Variants in HDAC4 observed in about 807,000 individuals in gnomAD.
The protein encoded by HDAC4 is histone deacetylase A.
HDAC4 carries 16 observed loss-of-function variants against 135.1 expected under a neutral mutation model. That is an observed-to-expected ratio of 0.12 (90% CI 0.08 to 0.18). The LOEUF (loss-of-function observed/expected upper bound fraction) is 0.18. Ranked by LOEUF, HDAC4 falls within the 10% of genes least tolerant of loss-of-function variation. The pLI is 1.00. For missense variants in HDAC4, 1,143 were observed against 1,511.8 expected, an observed-to-expected ratio of 0.76 and a Z score of 4.05; for synonymous variants, 685 against 653.4, an observed-to-expected ratio of 1.05 and a Z score of -0.74.
intron 2 of HDAC4, among the ~76,000 whole-genome samples, chr2:239,343,584 G>C (rs777890674): frequency 2.6e-5 from 4 of 152,246 alleles, no homozygotes; most frequent in African/African-American, 4.8e-5. Context: ...CCTTTCTAGG[G>C]GACAGCCTCC....
At chr2:239,201,758 A>G (rs2153075326) in intron 3 of HDAC4, among the ~76,000 whole-genome samples, 1 of 152,314 alleles carries the variant, frequency 6.6e-6, no homozygotes, top group African/African-American at 2.4e-5. Flanking sequence ...CATTCCTGAA[A>G]CAGTATTTTC....
At chr2:239,323,293 C>T (rs760461512) in intron 2 of HDAC4, among the ~76,000 whole-genome samples, 1 of 152,110 alleles carries the variant, frequency 6.6e-6, no homozygotes, top group Non-Finnish European at 1.5e-5. Flanking sequence ...GAGAGAGCTC[C>T]TGCTTGAGAA....
intron 15 of HDAC4, among the ~76,000 whole-genome samples, chr2:239,107,202 G>A (rs570196373): frequency 2.6e-4 from 39 of 152,334 alleles, no homozygotes; most frequent in African/African-American, 9.1e-4. Context: ...CACCAGCTGG[G>A]ACAGCCTCAC....
chr2:239,147,880 G>C (rs566109363), intron 7 of HDAC4, among the ~76,000 whole-genome samples: 4 of 152,342 alleles, frequency 2.6e-5, no homozygotes, highest in Admixed American at 1.3e-4. Context: ...TCATCCTTCT[G>C]CCAGAAGCAA....
chr2:239,175,205 T>C (rs899769442), intron 5 of HDAC4, among the ~76,000 whole-genome samples: 1 of 152,244 alleles, frequency 6.6e-6, no homozygotes, highest in Admixed American at 6.5e-5. Flanking sequence ...AGATCCTGAC[T>C]GTCTGTGTCA....
chr2:239,103,332 C>T (rs186097439), intron 15 of HDAC4, among the ~76,000 whole-genome samples: 13 of 152,160 alleles, frequency 8.5e-5, no homozygotes, highest in Middle Eastern at 3.4e-3. Flanking sequence ...TTCCTTGGAC[C>T]GCCCGGGGCC....
intron 2 of HDAC4, among the ~76,000 whole-genome samples, chr2:239,335,024 C>A (rs199917796): frequency 6.4e-3 from 601 of 94,270 alleles, no homozygotes; most frequent in South Asian, 0.01. Context: ...GACTCCATCT[C>A]AAAAAAAAAA....
intron 4 of HDAC4, among the ~76,000 whole-genome samples, chr2:239,183,390 C>G (rs1223101701): frequency 6.6e-6 from 1 of 152,232 alleles, no homozygotes; most frequent in Non-Finnish European, 1.5e-5. Flanking sequence ...GATGCCGCGC[C>G]CGCATAAAGC....
chr2:239,256,126 G>A (rs1359616113), intron 2 of HDAC4, among the ~76,000 whole-genome samples: 3 of 152,220 alleles, frequency 2.0e-5, no homozygotes, highest in Non-Finnish European at 4.4e-5. Flanking sequence ...AGCATCTCAA[G>A]TGTGTTCCAG....
Position 239,354,907 on chromosome 2 carries a change from C to T in HDAC4, c.-219-1989G>A, listed in dbSNP as rs115468934. Among the ~76,000 whole-genome samples the T allele has an allele frequency of 5.0e-3, 768 of 152,252 alleles. 8 individuals carry two copies. Among genetic ancestry groups the T allele is most frequent in the African/African-American group, 0.018 (732 of 41,556 alleles). ...ATCCTTCACACAAAAAAACACATCT[C>T]AGCTGGGTATAAAAATCTTAGATCA... On this transcript the variant is annotated intron_variant, in intron 1 of 26. Coordinates refer to ENST00000543185, the MANE Select transcript of HDAC4 (RefSeq NM_001378414.1).
chr2:239,374,356 G>GA (rs1353482881), intron 1 of HDAC4, among the ~76,000 whole-genome samples: 2 of 142,516 alleles, frequency 1.4e-5, no homozygotes, highest in Non-Finnish European at 1.5e-5. Flanking sequence ...AGGAGAGGAG[G>GA]AAACCACCCC....
intron 2 of HDAC4, among the ~76,000 whole-genome samples, chr2:239,280,065 G>T (rs1161139984): frequency 1.3e-5 from 2 of 152,106 alleles, no homozygotes; most frequent in Admixed American, 1.3e-4. Context: ...AGCACCCTGG[G>T]ATTCCAGCTC....
chr2:239,350,528 G>A (rs555677424), intron 2 of HDAC4, among the ~76,000 whole-genome samples: 75 of 150,804 alleles, frequency 5.0e-4, no homozygotes, highest in African/African-American at 1.7e-3. Context: ...TTTTTGAGAC[G>A]GAGTCTTGCT....
At chr2:239,222,688 ATCTT>A (rs1456443167) in intron 3 of HDAC4, among the ~76,000 whole-genome samples, 2 of 152,238 alleles carry the variant, frequency 1.3e-5, no homozygotes, top group Non-Finnish European at 2.9e-5. Context: ...TTCCTGGAAA[ATCTT>A]TCTAAGACTC....
intron 1 of HDAC4, among the ~76,000 whole-genome samples, chr2:239,361,576 G>A (rs1693870669): frequency 6.6e-6 from 1 of 152,158 alleles, no homozygotes; most frequent in Non-Finnish European, 1.5e-5. Flanking sequence ...ATGGAGTTAA[G>A]AACAAACGAT....
intron 1 of HDAC4, among the ~76,000 whole-genome samples, chr2:239,357,421 A>T (rs1211489730): frequency 1.3e-5 from 2 of 151,342 alleles, no homozygotes; most frequent in Non-Finnish European, 2.9e-5. Context: ...ACCTTAAAAA[A>T]TTAGAAAAAG....
intron 7 of HDAC4, 69 bp from the exon 8 acceptor site, chr2:239,144,783 T>G: frequency 6.5e-7 from 1 of 1,548,068 alleles, no homozygotes; most frequent in Non-Finnish European, 8.9e-7. Flanking sequence ...TGTTGGTGGT[T>G]TTTTAAAAAT....
intron 14 of HDAC4, among the ~76,000 whole-genome samples, chr2:239,110,169 A>G (rs2038542568): frequency 6.6e-6 from 1 of 152,260 alleles, no homozygotes; most frequent in Non-Finnish European, 1.5e-5. Flanking sequence ...TAGATCTGGA[A>G]GGTTTAAAGC....
At chr2:239,179,883 C>T (rs550675289) in intron 4 of HDAC4, among the ~76,000 whole-genome samples, 291 of 152,370 alleles carry the variant, frequency 1.9e-3, no homozygotes, top group Non-Finnish European at 3.5e-3. Context: ...CAGGGCTGCC[C>T]GCACGGAGGA....
Sources: gnomAD v4.1 joint callset for allele counts (sites outside exome capture counted in the v4.1 genomes callset) on GRCh38, gnomAD v4.1.1 for gene constraint, MANE v1.5 for transcripts, NCBI Gene and HGNC (gene_info 2026-07-23, HGNC 2026-07-21) for gene names.